PTPRD: variants seen among roughly 807,000 people sequenced by gnomAD.
PTPRD encodes receptor-type tyrosine-protein phosphatase delta.
In PTPRD, 34 loss-of-function variants were observed where a neutral mutation model predicts 214.5. The observed-to-expected ratio is 0.16, with a 90% CI of 0.12 to 0.21. The LOEUF (loss-of-function observed/expected upper bound fraction) is 0.21. Among genes scored for constraint, PTPRD ranks in the 10% least tolerant of loss-of-function variants. PTPRD has a pLI of 1.00. For missense variants in PTPRD, 2,545 were observed against 2,398.7 expected, an observed-to-expected ratio of 1.06 and a Z score of -1.27; for synonymous variants, 1,128 against 845.7, an observed-to-expected ratio of 1.33 and a Z score of -5.79.
intron 14 of PTPRD, among the ~76,000 whole-genome samples, chr9:8,608,694 T>C (rs1284532447): frequency 6.6e-6 from 1 of 151,988 alleles, no homozygotes; most frequent in African/African-American, 2.4e-5. Flanking sequence ...GCCATTAGAG[T>C]ACTGACGGCA....
chr9:9,643,664 A>G lies in PTPRD; in HGVS notation c.-286-68883T>C, dbSNP rs112898922. On this transcript the variant is annotated intron_variant, in intron 7 of 45. Coordinates refer to ENST00000381196, the MANE Select transcript of PTPRD (RefSeq NM_002839.4). ...TCAAACGAACAAAATCTATTTTTCT[A>G]AATTAAAAAGCTTGAAAAAGCCCTG... Among the ~76,000 whole-genome samples, 5 of 152,280 alleles carry G rather than the reference A, an allele frequency of 3.3e-5. 1 individual carries two copies. Among genetic ancestry groups the G allele is most frequent in the African/African-American group, 1.2e-4 (5 of 41,556 alleles).
chr9:9,289,545 T>G (rs1031745312), intron 9 of PTPRD, among the ~76,000 whole-genome samples: 4 of 151,804 alleles, frequency 2.6e-5, no homozygotes, highest in African/African-American at 9.7e-5. Flanking sequence ...TTAACTATAT[T>G]CATCATACTG....
intron 3 of PTPRD, among the ~76,000 whole-genome samples, chr9:10,241,179 A>AT (rs1304507335): frequency 6.6e-6 from 1 of 152,000 alleles, no homozygotes; most frequent in African/African-American, 2.4e-5. Context: ...ATTTGTTAAA[A>AT]TTAAAATAAC....
chr9:9,318,344 G>C (rs1206284083), intron 9 of PTPRD, among the ~76,000 whole-genome samples: 1 of 151,946 alleles, frequency 6.6e-6, no homozygotes, highest in African/African-American at 2.4e-5. Flanking sequence ...AGTCAGGAAA[G>C]TAGTGAACTT....
intron 2 of PTPRD, among the ~76,000 whole-genome samples, chr9:10,612,018 G>A (rs2081128951): frequency 6.6e-6 from 1 of 151,412 alleles, no homozygotes; most frequent in Non-Finnish European, 1.5e-5. Context: ...GGTTGAAGGT[G>A]GCAGGAGAAG....
In PTPRD at chr9:8,500,558, G is replaced by GGAAAAAAAAAAAAAAAAAAAAAAAAA. The variant is rs2097373754; in HGVS notation, c.2128+195_2128+196insTTTTTTTTTTTTTTTTTTTTTTTTTC. On this transcript the variant is annotated intron_variant, in intron 24 of 45. Transcript: ENST00000381196. ...TTACTGCATTGAGATTGAAAAAAAT[G>GGAAAAAAAAAAAAAAAAAAAAAAAAA]AAAAAAAAAAAAAAAAAAAAAAAAA... Among the ~76,000 whole-genome samples the GGAAAAAAAAAAAAAAAAAAAAAAAAA allele has an allele frequency of 1.3e-3, 19 of 14,312 alleles. 2 individuals carry two copies. The highest frequency in any genetic ancestry group is 1.8e-3 in the Non-Finnish European group (16 of 8,718). The allele number at this position is 14,312 out of a possible 152,430, so 9.4% of individuals were successfully genotyped here. A position where few individuals can be genotyped will look rare whatever the true frequency, so the allele number is the denominator to read the frequency against.
intron 9 of PTPRD, among the ~76,000 whole-genome samples, chr9:9,216,746 A>G (rs971948489): frequency 3.9e-5 from 6 of 152,112 alleles, no homozygotes; most frequent in Non-Finnish European, 8.8e-5. Flanking sequence ...GAATGAAACA[A>G]CCCTCTCCTC....
chr9:8,853,399 G>A (rs1383427746), intron 11 of PTPRD, among the ~76,000 whole-genome samples: 2 of 152,090 alleles, frequency 1.3e-5, no homozygotes, highest in Non-Finnish European at 2.9e-5. Flanking sequence ...GTGGAGAGTT[G>A]AAATCCATTT....
rs150342973 is a variant in PTPRD, at chr9:10,244,294, T to C, written c.-545+96669A>G. Among the ~76,000 whole-genome samples, 4 of 152,234 alleles carry C rather than the reference T, an allele frequency of 2.6e-5. No homozygotes were observed. The South Asian group carries it at 8.3e-4, about 32-fold the overall frequency. The stretch of plus-strand genomic sequence containing the variant: ...TTTGTTTCAATGCATCCTCATTAAA[T>C]TGTAATCTCCCCAAAAGCAGAGATA... On this transcript the variant is annotated intron_variant, in intron 3 of 45. Transcript: ENST00000381196.
chr9:9,564,298 C>A (rs1184816837), intron 8 of PTPRD, among the ~76,000 whole-genome samples: 1 of 152,066 alleles, frequency 6.6e-6, no homozygotes, highest in African/African-American at 2.4e-5. Context: ...GAGCTATGCC[C>A]AAGTTCTTGA....
intron 7 of PTPRD, among the ~76,000 whole-genome samples, chr9:9,655,738 G>A (rs896928462): frequency 2.0e-5 from 3 of 152,064 alleles, no homozygotes; most frequent in South Asian, 2.1e-4. Flanking sequence ...CGCACTTTGG[G>A]AGGCAGAGGC....
In PTPRD at chr9:9,622,910, G is replaced by C. The variant is rs144574282; in HGVS notation, c.-286-48129C>G. On this transcript the variant is annotated intron_variant, in intron 7 of 45. Coordinates refer to ENST00000381196, the MANE Select transcript of PTPRD (RefSeq NM_002839.4). Reference sequence around the variant, plus strand: ...TCAGGTAGAATGCCATGAGTATACAGCCTCAAGTTCTAGAGATTTCACATC... The same window carrying C: ...TCAGGTAGAATGCCATGAGTATACACCCTCAAGTTCTAGAGATTTCACATC... Among the ~76,000 whole-genome samples, 4 of 152,192 alleles carry C rather than the reference G, an allele frequency of 2.6e-5. No individual in the cohort carries two copies. In the East Asian group the frequency reaches 7.7e-4, roughly 29 times the overall value.
chr9:8,536,189 C>G (rs979603573), intron 14 of PTPRD, among the ~76,000 whole-genome samples: 9 of 151,886 alleles, frequency 5.9e-5, no homozygotes, highest in African/African-American at 2.2e-4. Context: ...CATGTTTCCT[C>G]TATGCAAATT....
In PTPRD at chr9:10,086,053, G is replaced by A. The variant is rs193069680; in HGVS notation, c.-544-52263C>T. On this transcript the variant is annotated intron_variant, in intron 3 of 45. Transcript: ENST00000381196. ...AATTCAATATATAGAAATTAGTTGC[G>A]AGGATAACTGAAAAACACTTTAAAA... Among the ~76,000 whole-genome samples the A allele has an allele frequency of 9.4e-4, 142 of 151,846 alleles. 1 individual carries two copies. The Middle Eastern group carries it at 0.017, about 18-fold the overall frequency.
intron 11 of PTPRD, among the ~76,000 whole-genome samples, chr9:8,740,073 C>T (rs2091527339): frequency 6.6e-6 from 1 of 152,094 alleles, no homozygotes; most frequent in African/African-American, 2.4e-5. Context: ...GTCCCTCATC[C>T]TGCCAAATAA....
intron 3 of PTPRD, among the ~76,000 whole-genome samples, chr9:10,090,022 C>T (rs913158519): frequency 2.0e-5 from 3 of 151,590 alleles, no homozygotes; most frequent in African/African-American, 7.3e-5. Context: ...GAGTGAAGGA[C>T]ACTATCTACA....
chr9:10,360,554 A>G (rs2097360298), intron 2 of PTPRD, among the ~76,000 whole-genome samples: 1 of 152,222 alleles, frequency 6.6e-6, no homozygotes, highest in African/African-American at 2.4e-5. Flanking sequence ...AGTGTGAGAA[A>G]GAAGTCACGA....
At chr9:10,589,857 G>A (rs867826396) in intron 2 of PTPRD, among the ~76,000 whole-genome samples, 1 of 152,018 alleles carries the variant, frequency 6.6e-6, no homozygotes, top group African/African-American at 2.4e-5. Context: ...TGCCTGGAAC[G>A]CCTAAGAATA....
At chr9:9,225,384 C>G (rs879416526) in intron 9 of PTPRD, among the ~76,000 whole-genome samples, 23 of 151,914 alleles carry the variant, frequency 1.5e-4, no homozygotes, top group Non-Finnish European at 2.9e-4. Context: ...GACCAACCAT[C>G]GTAAGAAATA....
Sources: allele counts gnomAD v4.1 joint callset (sites outside exome capture counted in the v4.1 genomes callset), GRCh38; gene constraint gnomAD v4.1.1; transcripts MANE v1.5; gene names NCBI Gene and HGNC (gene_info 2026-07-23, HGNC 2026-07-21).